Variants in PPIL4 observed in about 807,000 individuals in gnomAD.
The protein encoded by PPIL4 is peptidylprolyl isomerase like 4.
Under a neutral mutation model 69.1 loss-of-function variants are expected in PPIL4, and 50 were observed. The observed-to-expected ratio is 0.72, with a 90% CI of 0.58 to 0.92. The LOEUF is 0.92. Ranked by LOEUF, PPIL4 falls within the 40% of genes least tolerant of loss-of-function variation. The probability of loss-of-function intolerance (pLI) is 0.00; values close to 1 mark genes in which losing one functional copy is unlikely to be tolerated. For synonymous variants in PPIL4, 193 were observed against 191.6 expected (o/e 1.01, Z -0.06); for missense variants, 480 against 587.9 (o/e 0.82, Z 1.90).
chr6:149,531,065 T>C (rs1026929546), intron 7 of PPIL4, among the ~76,000 whole-genome samples: 1 of 152,030 alleles, frequency 6.6e-6, no homozygotes, highest in Admixed American at 6.6e-5. Flanking sequence ...TAAACCTAAA[T>C]TGAAAAATAT....
intron 12 of PPIL4, among the ~76,000 whole-genome samples, chr6:149,510,622 A>T (rs1776828820): frequency 6.6e-6 from 1 of 152,004 alleles, no homozygotes; most frequent in Admixed American, 6.6e-5. Context: ...GGTGCCTGTA[A>T]TCCCACCTAC....
chr6:149,545,424 C>A (rs1777424072), intron 1 of PPIL4, among the ~76,000 whole-genome samples: 1 of 152,068 alleles, frequency 6.6e-6, no homozygotes, highest in Non-Finnish European at 1.5e-5. Context: ...GAAGCCAAGC[C>A]CAGGACTTAG....
At chr6:149,537,600 G>A (rs1317537813) in intron 4 of PPIL4, among the ~76,000 whole-genome samples, 1 of 151,920 alleles carries the variant, frequency 6.6e-6, no homozygotes, top group African/African-American at 2.4e-5. Context: ...CCAGCTACTT[G>A]GGAGGCTGAG....
intron 4 of PPIL4, among the ~76,000 whole-genome samples, chr6:149,536,863 C>A (rs750279487): frequency 6.6e-6 from 1 of 152,144 alleles, no homozygotes; most frequent in South Asian, 2.1e-4. Context: ...CAGTGGCTCA[C>A]GCCTATGTAA....
intron 4 of PPIL4, 100 bp from the exon 5 acceptor site, chr6:149,535,838 C>A: frequency 1.3e-6 from 1 of 755,200 alleles, no homozygotes; most frequent in Non-Finnish European, 2.1e-6. Flanking sequence ...GTTAAGAGTC[C>A]ACATTTACTG....
intron 11 of PPIL4, among the ~76,000 whole-genome samples, chr6:149,513,777 G>A (rs1358897100): frequency 6.6e-6 from 1 of 152,008 alleles, no homozygotes; most frequent in African/African-American, 2.4e-5. Flanking sequence ...ATCTAAATGT[G>A]TTAAAAATGT....
chr6:149,517,214 A>T, intron 11 of PPIL4, 140 bp downstream of exon 11: 1 of 615,222 alleles, frequency 1.6e-6, no homozygotes, highest in Non-Finnish European at 2.9e-6. Context: ...ATGATAAACT[A>T]AGTTACTTCC....
chr6:149,513,159 G>A (rs1186691843), intron 11 of PPIL4, among the ~76,000 whole-genome samples: 1 of 148,028 alleles, frequency 6.8e-6, no homozygotes, highest in Non-Finnish European at 1.5e-5. Context: ...GCCAAGGCGG[G>A]CGACTCACTC....
intron 8 of PPIL4, among the ~76,000 whole-genome samples, chr6:149,525,802 A>T (rs1248282639): frequency 1.3e-5 from 2 of 152,184 alleles, no homozygotes; most frequent in African/African-American, 4.8e-5. Flanking sequence ...GTCTCATTTT[A>T]AAAACCTCAT....
chr6:149,521,471 C>T (rs1411718014), intron 9 of PPIL4, among the ~76,000 whole-genome samples: 7 of 152,164 alleles, frequency 4.6e-5, no homozygotes, highest in Non-Finnish European at 1.0e-4. Flanking sequence ...GATAAATATA[C>T]ACTTACTGAC....
intron 4 of PPIL4, 140 bp downstream of exon 4, chr6:149,540,802 A>C: frequency 2.1e-6 from 1 of 477,194 alleles, no homozygotes; most frequent in East Asian, 3.0e-5. Context: ...TTTAATATAG[A>C]AAAAGTGCAT....
At chr6:149,529,147 C>T (rs1777151318) in intron 7 of PPIL4, among the ~76,000 whole-genome samples, 2 of 151,918 alleles carry the variant, frequency 1.3e-5, no homozygotes, top group African/African-American at 4.8e-5. Context: ...AGGAAGACTG[C>T]TCAACCTCAG....
At chr6:149,510,810 G>T (rs1247965400) in intron 12 of PPIL4, among the ~76,000 whole-genome samples, 1 of 151,414 alleles carries the variant, frequency 6.6e-6, no homozygotes, top group Non-Finnish European at 1.5e-5. Flanking sequence ...ACCACAGAGA[G>T]AAACTATTCC....
In PPIL4 at chr6:149,505,342, G is replaced by A; in HGVS notation, c.*111C>T. On this transcript the variant is annotated 3_prime_UTR_variant, in exon 13 of 13. Coordinates refer to ENST00000253329, the MANE Select transcript of PPIL4 (RefSeq NM_139126.4). Reference sequence around the variant, plus strand: ...TATTAATCTAAAGACCATAATCCTAGTATGAAAAAAATAACAAGCTTTGAC... The same window carrying A: ...TATTAATCTAAAGACCATAATCCTAATATGAAAAAAATAACAAGCTTTGAC... 1 of 962,944 alleles carries A rather than the reference G, an allele frequency of 1.0e-6. No homozygotes were observed. Among genetic ancestry groups the A allele is most frequent in the Non-Finnish European group, 1.6e-6 (1 of 639,706 alleles). The allele number at this position is 962,944 out of a possible 1,614,324, so 59.6% of individuals were successfully genotyped here.
chr6:149,538,127 G>A (rs553587366), intron 4 of PPIL4, among the ~76,000 whole-genome samples: 74 of 152,142 alleles, frequency 4.9e-4, no homozygotes, highest in African/African-American at 1.3e-3. Context: ...TCAGCCGGGC[G>A]TAGTGGTGCA....
intron 1 of PPIL4, 117 bp downstream of exon 1, chr6:149,545,819 C>A: frequency 1.1e-6 from 1 of 941,476 alleles, no homozygotes; most frequent in Non-Finnish European, 1.6e-6. Flanking sequence ...GTCGCGGGCA[C>A]CAGCAGCCCA....
intron 6 of PPIL4, 51 bp downstream of exon 6, chr6:149,534,627 T>C (rs780660695): frequency 1.1e-6 from 1 of 944,926 alleles, no homozygotes. Flanking sequence ...GATAAATCCA[T>C]ACAAATCATT....
chr6:149,508,275 G>T (rs1238359492), intron 12 of PPIL4, among the ~76,000 whole-genome samples: 1 of 152,096 alleles, frequency 6.6e-6, no homozygotes, highest in African/African-American at 2.4e-5. Flanking sequence ...CACTATAAAG[G>T]CCTAAGGGCC....
intron 10 of PPIL4, among the ~76,000 whole-genome samples, chr6:149,520,290 G>A (rs1231674730): frequency 6.6e-6 from 1 of 152,006 alleles, no homozygotes; most frequent in African/African-American, 2.4e-5. Context: ...AGGTGATAAT[G>A]GTTACCCTGG....
Sources: allele counts gnomAD v4.1 joint callset (sites outside exome capture counted in the v4.1 genomes callset), GRCh38; gene constraint gnomAD v4.1.1; transcripts MANE v1.5; gene names NCBI Gene and HGNC (gene_info 2026-07-23, HGNC 2026-07-21).